The following PTPRD variants were observed in gnomAD, a reference collection of about 807,000 sequenced individuals.
PTPRD encodes receptor-type tyrosine-protein phosphatase delta.
In PTPRD, 34 loss-of-function variants were observed where a neutral mutation model predicts 214.5. That is an observed-to-expected ratio of 0.16 (90% confidence interval 0.12 to 0.21). The LOEUF (loss-of-function observed/expected upper bound fraction) is 0.21, where lower values mean the gene tolerates loss of function less well. Ranked by LOEUF, PTPRD falls within the 10% of genes least tolerant of loss-of-function variation. The pLI is 1.00. For missense variants in PTPRD, 2,545 were observed against 2,398.7 expected (o/e 1.06, Z -1.27); for synonymous variants, 1,128 against 845.7 (o/e 1.33, Z -5.79).
intron 7 of PTPRD, among the ~76,000 whole-genome samples, chr9:9,720,971 G>A (rs915250819): frequency 6.6e-6 from 1 of 152,000 alleles, no homozygotes; most frequent in Non-Finnish European, 1.5e-5. Flanking sequence ...CAACACACTG[G>A]AGACTATTTG....
At chr9:9,201,686 A>G (rs936149841) in intron 9 of PTPRD, among the ~76,000 whole-genome samples, 26 of 152,220 alleles carry the variant, frequency 1.7e-4, no homozygotes, top group African/African-American at 5.1e-4. Context: ...AATATTCTCA[A>G]TGCATTTAAA....
chr9:9,559,112 C>T (rs1449590902), intron 8 of PTPRD, among the ~76,000 whole-genome samples: 1 of 152,106 alleles, frequency 6.6e-6, no homozygotes, highest in African/African-American at 2.4e-5. Flanking sequence ...CCTGTCCTGC[C>T]ACACTCTTAT....
chr9:8,508,873 ATATGTGTGTGTGTGTGTCTG>A (rs1234083756), intron 21 of PTPRD, among the ~76,000 whole-genome samples: 17 of 96,434 alleles, frequency 1.8e-4, no homozygotes, highest in Non-Finnish European at 2.9e-4. Context: ...CTGTGTATAT[ATATGTGTGTGTGTGTGTCTG>A]TGTGTGTGTG....
At chr9:8,778,653 T>C (rs1007583021) in intron 11 of PTPRD, among the ~76,000 whole-genome samples, 1 of 152,194 alleles carries the variant, frequency 6.6e-6, no homozygotes, top group Non-Finnish European at 1.5e-5. Context: ...TTCCACTGTT[T>C]ACTTAAGCCC....
chr9:9,848,918 A>T (rs960372279), intron 5 of PTPRD, among the ~76,000 whole-genome samples: 4 of 152,048 alleles, frequency 2.6e-5, no homozygotes, highest in Admixed American at 2.0e-4. Flanking sequence ...AAAAATGAGC[A>T]CTTTGGTAAT....
intron 7 of PTPRD, among the ~76,000 whole-genome samples, chr9:9,593,850 T>G (rs924185037): frequency 1.3e-5 from 2 of 152,006 alleles, no homozygotes; most frequent in African/African-American, 4.8e-5. Context: ...CACCAACTAA[T>G]TGTGCAGAAG....
intron 12 of PTPRD, among the ~76,000 whole-genome samples, chr9:8,702,525 T>C (rs554740657): frequency 3.3e-5 from 5 of 152,300 alleles, no homozygotes; most frequent in East Asian, 1.9e-4. Flanking sequence ...ACAAGGACAG[T>C]TGGGAGTTTT....
At chr9:10,332,589 T>C (rs1319741990) in intron 3 of PTPRD, among the ~76,000 whole-genome samples, 2 of 151,838 alleles carry the variant, frequency 1.3e-5, no homozygotes, top group South Asian at 2.1e-4. Flanking sequence ...ACATGCAGCA[T>C]ATAACGTGTA....
At chr9:9,463,388 G>C (rs2093843958) in intron 8 of PTPRD, among the ~76,000 whole-genome samples, 1 of 152,066 alleles carries the variant, frequency 6.6e-6, no homozygotes, top group Non-Finnish European at 1.5e-5. Context: ...GAGGGAGGGA[G>C]GGGCAGGAAG....
At chr9:9,042,610 T>TC (rs1569495190) in intron 10 of PTPRD, among the ~76,000 whole-genome samples, 1 of 83,640 alleles carries the variant, frequency 1.2e-5, no homozygotes, top group African/African-American at 3.9e-5. Context: ...TTTTTCTTTT[T>TC]TTTCTTTTCT....
intron 10 of PTPRD, among the ~76,000 whole-genome samples, chr9:9,111,780 A>AT (rs1324335806): frequency 6.6e-6 from 1 of 152,114 alleles, no homozygotes; most frequent in Non-Finnish European, 1.5e-5. Flanking sequence ...TGAGGAAAAC[A>AT]TTTTTTAAAA....
At chr9:8,691,680 G>C (rs573939063) in intron 12 of PTPRD, among the ~76,000 whole-genome samples, 1 of 152,240 alleles carries the variant, frequency 6.6e-6, no homozygotes, top group South Asian at 2.1e-4. Context: ...CAGATTCCAA[G>C]AGGCCAAACA....
At position 8,569,974 on chromosome 9, in the gene PTPRD, G is replaced by A. The variant is rs189364493; in HGVS notation, c.353-41195C>T. ...ATTTGGGTACATAATGCGGTGAACT[G>A]TTAGAAAAACCACAGTTTCCGTAAT... is the stretch of plus-strand genomic sequence containing the variant. On this transcript the variant is annotated intron_variant, in intron 14 of 45. Transcript: ENST00000381196. 4.6e-5 allele frequency among the ~76,000 whole-genome samples: 7 copies of A among 152,230 alleles called. No individual in the cohort carries two copies. In the East Asian group the frequency reaches 1.4e-3, roughly 29 times the overall value.
chr9:8,880,785 T>G (rs1315107097), intron 11 of PTPRD, among the ~76,000 whole-genome samples: 1 of 152,128 alleles, frequency 6.6e-6, no homozygotes, highest in East Asian at 1.9e-4. Flanking sequence ...CTCTATGGTG[T>G]TTTCTTTTTT....
At chr9:10,002,112 A>C (rs1337632053) in intron 4 of PTPRD, among the ~76,000 whole-genome samples, 1 of 151,646 alleles carries the variant, frequency 6.6e-6, no homozygotes, top group Non-Finnish European at 1.5e-5. Flanking sequence ...AGATTGTTTT[A>C]AATTAAGCAG....
intron 10 of PTPRD, among the ~76,000 whole-genome samples, chr9:9,051,455 T>C (rs892164930): frequency 2.6e-5 from 4 of 152,236 alleles, no homozygotes; most frequent in African/African-American, 4.8e-5. Flanking sequence ...AATGCAAATG[T>C]AGTTAAATGT....
chr9:9,163,850 T>TA, intron 10 of PTPRD, among the ~76,000 whole-genome samples: 1 of 152,302 alleles, frequency 6.6e-6, no homozygotes, highest in Admixed American at 6.5e-5. Flanking sequence ...TGTCCACATC[T>TA]AAGGCTTCAC....
At position 8,317,054 on chromosome 9, in the gene PTPRD, TTTGA is replaced by T. The variant is rs1456217544; in HGVS notation, c.*816_*819del. ...AAAACAAAACAAAATAATAATTATC[TTTGA>T]TTATTTGAAGAGAATGGGTACTTTC... On this transcript the variant is annotated 3_prime_UTR_variant, in exon 46 of 46. Coordinates refer to ENST00000381196, the MANE Select transcript of PTPRD (RefSeq NM_002839.4). 2.2e-5 allele frequency: 5 copies of T among 231,702 alleles called. No individual in the cohort carries two copies. In the East Asian group the frequency reaches 2.4e-4, roughly 11 times the overall value. 14.4% of individuals were successfully genotyped at this position (231,702 alleles called of 1,614,324 possible). A position where few individuals can be genotyped will look rare whatever the true frequency, so the allele number is the denominator to read the frequency against.
At chr9:10,279,375 C>G (rs181801566) in intron 3 of PTPRD, among the ~76,000 whole-genome samples, 2 of 152,050 alleles carry the variant, frequency 1.3e-5, no homozygotes, top group African/African-American at 4.8e-5. Context: ...AAATGCATGA[C>G]CCTTTAGGCC....
Sources: allele counts gnomAD v4.1 joint callset (sites outside exome capture counted in the v4.1 genomes callset), GRCh38; gene constraint gnomAD v4.1.1; transcripts MANE v1.5; gene names NCBI Gene and HGNC (gene_info 2026-07-23, HGNC 2026-07-21).